ERBB4: variants seen among roughly 807,000 people sequenced by gnomAD.
The protein encoded by ERBB4 is erb-b2 receptor tyrosine kinase 4, also known as receptor tyrosine-protein kinase erbB-4.
ERBB4 carries 42 observed loss-of-function variants against 158.0 expected under a neutral mutation model. That is an observed-to-expected ratio of 0.27 (90% CI 0.21 to 0.34). The LOEUF (loss-of-function observed/expected upper bound fraction) is 0.34, where lower values mean the gene tolerates loss of function less well. ERBB4 is among the 10% of genes least tolerant of loss of function. The pLI, the probability that ERBB4 is intolerant of heterozygous loss-of-function variation, is 1.00. For synonymous variants in ERBB4, 583 were observed against 558.7 expected (o/e 1.04, Z -0.61); for missense variants, 1,333 against 1,624.1 (o/e 0.82, Z 3.08).
At chr2:212,374,071 TATATATATCCATATATATCC>T (rs1214694880) in intron 1 of ERBB4, among the ~76,000 whole-genome samples, 1 of 96,198 alleles carries the variant, frequency 1.0e-5, no homozygotes, top group Admixed American at 9.4e-5. Flanking sequence ...TATATATCCA[TATATATATCCATATATATCC>T]ATATATATAT....
chr2:211,990,049 A>G (rs1422437472), intron 2 of ERBB4, among the ~76,000 whole-genome samples: 3 of 152,016 alleles, frequency 2.0e-5, no homozygotes, highest in Admixed American at 1.3e-4. Flanking sequence ...GGAATGAAAA[A>G]AAAAATAGAC....
intron 17 of ERBB4, among the ~76,000 whole-genome samples, chr2:211,628,360 T>G (rs2069946647): frequency 6.6e-6 from 1 of 152,150 alleles, no homozygotes; most frequent in Non-Finnish European, 1.5e-5. Flanking sequence ...GATGTTCCCC[T>G]TCCTGTGTCC....
At chr2:211,823,064 C>T (rs1420771548) in intron 3 of ERBB4, among the ~76,000 whole-genome samples, 1 of 151,972 alleles carries the variant, frequency 6.6e-6, no homozygotes, top group Non-Finnish European at 1.5e-5. Context: ...CAAAACTGCC[C>T]CAATCCAACC....
At chr2:211,698,293 C>T (rs939923548) in intron 12 of ERBB4, among the ~76,000 whole-genome samples, 2 of 114,610 alleles carry the variant, frequency 1.7e-5, no homozygotes, top group Non-Finnish European at 3.4e-5. Flanking sequence ...GCCTGGGAAA[C>T]AAGAGTGAGA....
intron 2 of ERBB4, among the ~76,000 whole-genome samples, chr2:212,078,503 T>C (rs1198252403): frequency 6.6e-5 from 10 of 152,120 alleles, no homozygotes; most frequent in Non-Finnish European, 2.9e-5. Context: ...AAAATATAAA[T>C]GTATTGAAAT....
intron 3 of ERBB4, among the ~76,000 whole-genome samples, chr2:211,889,028 G>C (rs374494378): frequency 2.8e-5 from 4 of 144,114 alleles, no homozygotes; most frequent in South Asian, 2.1e-4. Flanking sequence ...CAGGAAGCTC[G>C]AACTGGGTAG....
At chr2:211,588,932 G>T (rs2068375084) in intron 19 of ERBB4, among the ~76,000 whole-genome samples, 1 of 152,060 alleles carries the variant, frequency 6.6e-6, no homozygotes, top group Non-Finnish European at 1.5e-5. Context: ...GTGGAAAAAG[G>T]TAATACCTGC....
intron 2 of ERBB4, among the ~76,000 whole-genome samples, chr2:212,005,175 T>C (rs2076230336): frequency 6.6e-6 from 1 of 152,138 alleles, no homozygotes; most frequent in South Asian, 2.1e-4. Flanking sequence ...TAAAAAGATT[T>C]ACGAAGCAGG....
At chr2:211,643,708 T>G (rs992314462) in intron 16 of ERBB4, among the ~76,000 whole-genome samples, 2 of 152,078 alleles carry the variant, frequency 1.3e-5, no homozygotes, top group Non-Finnish European at 2.9e-5. Flanking sequence ...GGTCATTGAC[T>G]AGGCTTTACG....
intron 1 of ERBB4, among the ~76,000 whole-genome samples, chr2:212,214,482 T>G (rs987280308): frequency 2.6e-5 from 4 of 151,810 alleles, no homozygotes; most frequent in Admixed American, 6.6e-5. Flanking sequence ...GATTGCAAAT[T>G]TATATTTCCA....
chr2:211,413,200 G>A (rs569184398), intron 25 of ERBB4, among the ~76,000 whole-genome samples: 1 of 151,180 alleles, frequency 6.6e-6, no homozygotes, highest in African/African-American at 2.4e-5. Flanking sequence ...CTATTCAGGA[G>A]GCTGAGGCAG....
At chr2:211,824,328 A>G (rs12467708) in intron 3 of ERBB4, among the ~76,000 whole-genome samples, 19,609 of 151,954 alleles carry the variant, frequency 0.13, 1,416 homozygotes, top group Non-Finnish European at 0.15. Context: ...AGCAAATGGT[A>G]CCTGTGTATG....
chr2:211,691,117 T>C (rs2072798368), intron 12 of ERBB4, among the ~76,000 whole-genome samples: 1 of 152,226 alleles, frequency 6.6e-6, no homozygotes, highest in Non-Finnish European at 1.5e-5. Flanking sequence ...ACAGGTATTG[T>C]TCATCTTTTT....
At chr2:212,151,821 G>T (rs958268981) in intron 1 of ERBB4, among the ~76,000 whole-genome samples, 2 of 152,210 alleles carry the variant, frequency 1.3e-5, no homozygotes, top group South Asian at 4.1e-4. Flanking sequence ...CCTGGGAGAC[G>T]GAGGTTGCAG....
intron 12 of ERBB4, among the ~76,000 whole-genome samples, chr2:211,698,531 A>T (rs930623523): frequency 3.3e-5 from 5 of 151,826 alleles, no homozygotes; most frequent in Non-Finnish European, 5.9e-5. Context: ...AATGTAGTTT[A>T]AAAATATTTT....
At chr2:212,531,637 A>G (rs1692763609) in intron 1 of ERBB4, among the ~76,000 whole-genome samples, 1 of 152,212 alleles carries the variant, frequency 6.6e-6, no homozygotes, top group Non-Finnish European at 1.5e-5. Flanking sequence ...TTTACAATCC[A>G]TCTTATTTCA....
At chr2:212,197,011 T>C (rs1210933758) in intron 1 of ERBB4, among the ~76,000 whole-genome samples, 1 of 152,122 alleles carries the variant, frequency 6.6e-6, no homozygotes, top group Non-Finnish European at 1.5e-5. Flanking sequence ...GGGTTGTTTT[T>C]TTCTTTCGTT....
At chr2:212,225,076 G>C (rs970646012) in intron 1 of ERBB4, among the ~76,000 whole-genome samples, 3 of 151,136 alleles carry the variant, frequency 2.0e-5, no homozygotes, top group Admixed American at 6.6e-5. Flanking sequence ...TTATATTTTG[G>C]GTTTCTTTTA....
At chr2:211,856,366 CTATTTATT>C (rs33972622) in intron 3 of ERBB4, among the ~76,000 whole-genome samples, 26 of 140,700 alleles carry the variant, frequency 1.8e-4, no homozygotes, top group Admixed American at 7.8e-4. Flanking sequence ...CTTGTAATTT[CTATTTATT>C]TATTTATTTA....
Sources: allele counts gnomAD v4.1 joint callset (sites outside exome capture counted in the v4.1 genomes callset), GRCh38; gene constraint gnomAD v4.1.1; transcripts MANE v1.5; gene names NCBI Gene and HGNC (gene_info 2026-07-23, HGNC 2026-07-21).